Variants in DIAPH3 observed in about 807,000 individuals in gnomAD.
DIAPH3 encodes the protein diaphanous related formin 3, also known as protein diaphanous homolog 3.
In DIAPH3, 117 loss-of-function variants were observed where a neutral mutation model predicts 144.3. The observed-to-expected ratio is 0.81, with a 90% confidence interval of 0.70 to 0.95. The LOEUF is 0.95. Among genes scored for constraint, DIAPH3 ranks in the 40% least tolerant of loss-of-function variants. The pLI is 0.00. For synonymous variants in DIAPH3, 519 were observed against 488.9 expected, an observed-to-expected ratio of 1.06 and a Z score of -0.81; for missense variants, 1,421 against 1,412.7, an observed-to-expected ratio of 1.01 and a Z score of -0.09.
intron 22 of DIAPH3, 26 bp downstream of exon 22, chr13:59,861,381 G>A (rs1274006724): frequency 6.2e-7 from 1 of 1,613,460 alleles, no homozygotes; most frequent in Non-Finnish European, 8.5e-7. Context: ...TCAGAGCCAT[G>A]AAATGTTTCT....
chr13:59,770,478 G>A lies in DIAPH3; in HGVS notation c.3319+3711C>T, dbSNP rs866120168. On this transcript the variant is annotated intron_variant, in intron 27 of 27. Transcript: ENST00000400324. ...GACACTGAATAAAAACATCTTCAGGGCAGTGTGTATTATAAAATGGGAAGA... is the reference window on the plus strand; with the variant it reads ...GACACTGAATAAAAACATCTTCAGGACAGTGTGTATTATAAAATGGGAAGA... Among the ~76,000 whole-genome samples the A allele has an allele frequency of 4.6e-5, 7 of 152,098 alleles. No homozygotes were observed. In the South Asian group the frequency reaches 6.2e-4, roughly 14 times the overall value.
At chr13:60,029,067 AGGG>A (rs202106058) in intron 5 of DIAPH3, among the ~76,000 whole-genome samples, 16 of 150,364 alleles carry the variant, frequency 1.1e-4, no homozygotes, top group African/African-American at 3.9e-4. Context: ...CAAAAAAAAA[AGGG>A]GGGATTTTTT....
At chr13:59,761,307 T>G (rs913590491) in intron 27 of DIAPH3, among the ~76,000 whole-genome samples, 3 of 152,146 alleles carry the variant, frequency 2.0e-5, no homozygotes, top group African/African-American at 7.2e-5. Context: ...TCAACGATTA[T>G]AACTAACATC....
At chr13:59,871,204 G>T (rs942386881) in intron 21 of DIAPH3, among the ~76,000 whole-genome samples, 5 of 144,502 alleles carry the variant, frequency 3.5e-5, no homozygotes, top group Admixed American at 2.1e-4. Flanking sequence ...TTGGGGGGGG[G>T]GGTGGCGGGC....
intron 22 of DIAPH3, among the ~76,000 whole-genome samples, chr13:59,846,577 G>A (rs1593653523): frequency 6.6e-6 from 1 of 152,014 alleles, no homozygotes; most frequent in South Asian, 2.1e-4. Context: ...TAATAAAATT[G>A]TATGGACAAG....
chr13:59,751,914 C>G (rs946564755), intron 27 of DIAPH3, among the ~76,000 whole-genome samples: 2 of 152,174 alleles, frequency 1.3e-5, no homozygotes, highest in African/African-American at 2.4e-5. Flanking sequence ...CACTCATAGT[C>G]ATGTAAAACA....
intron 20 of DIAPH3, among the ~76,000 whole-genome samples, chr13:59,908,518 C>T (rs561777139): frequency 2.4e-4 from 37 of 151,516 alleles, no homozygotes; most frequent in African/African-American, 9.0e-4. Flanking sequence ...AGGAAAATAA[C>T]ATAAACATCA....
intron 27 of DIAPH3, among the ~76,000 whole-genome samples, chr13:59,741,222 T>C (rs2036426726): frequency 6.6e-6 from 1 of 152,234 alleles, no homozygotes; most frequent in Admixed American, 6.5e-5. Flanking sequence ...AGCTTTTTTC[T>C]TGAGTTTTCT....
At chr13:60,013,489 A>G (rs2053420309) in intron 7 of DIAPH3, 1 of 152,202 alleles carries the variant, frequency 6.6e-6, no homozygotes, top group Non-Finnish European at 1.5e-5. Context: ...ACCAAACTGA[A>G]GTCTCTGTTC....
intron 3 of DIAPH3, among the ~76,000 whole-genome samples, chr13:60,101,091 A>G (rs939160474): frequency 3.9e-5 from 6 of 152,206 alleles, no homozygotes; most frequent in Non-Finnish European, 8.8e-5. Context: ...CTGTAATCTT[A>G]AACTATGGTC....
intron 18 of DIAPH3, among the ~76,000 whole-genome samples, chr13:59,917,168 C>G (rs2047260980): frequency 6.6e-6 from 1 of 152,102 alleles, no homozygotes; most frequent in Non-Finnish European, 1.5e-5. Flanking sequence ...TTCAGCACCT[C>G]ATATCTGTGG....
intron 27 of DIAPH3, among the ~76,000 whole-genome samples, chr13:59,679,104 A>G (rs1191683592): frequency 6.6e-6 from 1 of 152,192 alleles, no homozygotes; most frequent in Non-Finnish European, 1.5e-5. Context: ...GAGATTTTTG[A>G]TCAGCAAAAT....
At chr13:60,022,995 T>C (rs2054128431) in intron 5 of DIAPH3, among the ~76,000 whole-genome samples, 1 of 152,200 alleles carries the variant, frequency 6.6e-6, no homozygotes, top group African/African-American at 2.4e-5. Flanking sequence ...GTTTTGGTTT[T>C]GTTTTGTTCT....
chr13:59,815,020 A>AT (rs1191623459), intron 24 of DIAPH3, among the ~76,000 whole-genome samples: 7 of 152,090 alleles, frequency 4.6e-5, no homozygotes, highest in African/African-American at 1.7e-4. Flanking sequence ...CAGAATTTCC[A>AT]TTTTTTCATT....
At chr13:60,008,163 G>A (rs949546257) in intron 9 of DIAPH3, among the ~76,000 whole-genome samples, 2 of 152,124 alleles carry the variant, frequency 1.3e-5, no homozygotes, top group Non-Finnish European at 2.9e-5. Context: ...GGAGGCCGAC[G>A]CGGGTAGATC....
At chr13:59,950,071 G>A (rs565146678) in intron 17 of DIAPH3, among the ~76,000 whole-genome samples, 3 of 152,098 alleles carry the variant, frequency 2.0e-5, no homozygotes, top group African/African-American at 7.2e-5. Flanking sequence ...TGATACTAAG[G>A]TGTCATGCTA....
At chr13:60,139,894 T>TAA (rs2059388937) in intron 1 of DIAPH3, among the ~76,000 whole-genome samples, 1 of 152,244 alleles carries the variant, frequency 6.6e-6, no homozygotes, top group East Asian at 1.9e-4. Context: ...TACTACCAGA[T>TAA]GAAAAACTCT....
intron 24 of DIAPH3, among the ~76,000 whole-genome samples, chr13:59,821,349 C>CA (rs2041063871): frequency 6.6e-6 from 1 of 152,076 alleles, no homozygotes; most frequent in Admixed American, 6.6e-5. Flanking sequence ...GGCAATGCTT[C>CA]ACCATACTTA....
chr13:59,928,013 A>C (rs1487954620), intron 17 of DIAPH3, among the ~76,000 whole-genome samples: 1 of 152,114 alleles, frequency 6.6e-6, no homozygotes, highest in East Asian at 1.9e-4. Flanking sequence ...CAGTAATCCC[A>C]AAACACAAAT....
Sources: allele counts gnomAD v4.1 joint callset (sites outside exome capture counted in the v4.1 genomes callset), GRCh38; gene constraint gnomAD v4.1.1; transcripts MANE v1.5; gene names NCBI Gene and HGNC (gene_info 2026-07-23, HGNC 2026-07-21).